Variants in ERICH6B observed in about 807,000 individuals in gnomAD.
ERICH6B encodes glutamate-rich protein 6B.
A neutral mutation model predicts 80.0 loss-of-function variants in ERICH6B; 69 were observed. The ratio of observed to expected loss-of-function variants is 0.86; its 90% CI spans 0.71 to 1.05. The LOEUF (loss-of-function observed/expected upper bound fraction) is 1.05, where lower values mean the gene tolerates loss of function less well. Ranked by LOEUF, ERICH6B falls within the 50% of genes least tolerant of loss-of-function variation. ERICH6B has a pLI of 0.00. For synonymous variants in ERICH6B, 283 were observed against 291.9 expected (o/e 0.97, Z 0.31); for missense variants, 754 against 796.1 (o/e 0.95, Z 0.64).
chr13:45,582,319 G>A (rs1875709314), intron 5 of ERICH6B, among the ~76,000 whole-genome samples: 1 of 152,206 alleles, frequency 6.6e-6, no homozygotes, highest in African/African-American at 2.4e-5. Flanking sequence ...GTATCTGGTT[G>A]TGTTAACTTT....
intron 13 of ERICH6B, among the ~76,000 whole-genome samples, chr13:45,547,869 C>CA (rs2137958448): frequency 6.6e-6 from 1 of 152,356 alleles, no homozygotes; most frequent in Admixed American, 6.5e-5. Flanking sequence ...GGCCACCCCC[C>CA]ACTCCCTAGT....
At chr13:45,582,274 G>A (rs1051384528) in intron 5 of ERICH6B, among the ~76,000 whole-genome samples, 4 of 152,226 alleles carry the variant, frequency 2.6e-5, no homozygotes, top group Non-Finnish European at 5.9e-5. Context: ...GCAGGGCACA[G>A]CAGGATGAAA....
intron 11 of ERICH6B, among the ~76,000 whole-genome samples, chr13:45,556,237 C>T (rs1874431645): frequency 1.3e-5 from 2 of 152,062 alleles, no homozygotes; most frequent in African/African-American, 2.4e-5. Flanking sequence ...AAGGCTGTGT[C>T]TCATTTGCCT....
chr13:45,550,108 GCAGATGATGCAGGCCT>G, intron 12 of ERICH6B, 63 bp from the exon 13 acceptor site: 1 of 1,540,392 alleles, frequency 6.5e-7, no homozygotes, highest in Non-Finnish European at 8.8e-7. Context: ...GTAGGGCCCT[GCAGATGATGCAGGCCT>G]CAGTCAAACC....
chr13:45,562,246 C>T (rs1874715822), intron 10 of ERICH6B, among the ~76,000 whole-genome samples: 1 of 152,100 alleles, frequency 6.6e-6, no homozygotes, highest in Admixed American at 6.6e-5. Context: ...CCATGTTGGC[C>T]AGGCTTGTCT....
chr13:45,561,890 A>G (rs1874697582), intron 10 of ERICH6B, among the ~76,000 whole-genome samples: 1 of 152,200 alleles, frequency 6.6e-6, no homozygotes, highest in Non-Finnish European at 1.5e-5. Flanking sequence ...AATGAGAGGA[A>G]TGCTCACACA....
intron 7 of ERICH6B, among the ~76,000 whole-genome samples, chr13:45,575,659 A>G (rs1875369137): frequency 6.6e-6 from 1 of 152,226 alleles, no homozygotes; most frequent in Admixed American, 6.5e-5. Flanking sequence ...TAATCAGAGC[A>G]TAAGAGATGA....
rs760525602 is a variant in ERICH6B at position 45,596,518 on chromosome 13, T to A, written c.488A>T (p.Tyr163Phe). The change falls in exon 3 of 15, where the codon TAT becomes TTT. Residue 163 changes from tyrosine to phenylalanine, a missense_variant. Coordinates refer to ENST00000298738, the MANE Select transcript of ERICH6B (RefSeq NM_182542.3). ...CCCCAGATACTCCTCCTCCTCCAGATACGCTTTCTTCCCCAGATAATCTAC... is the reference window on the plus strand; with the variant it reads ...CCCCAGATACTCCTCCTCCTCCAGAAACGCTTTCTTCCCCAGATAATCTAC... ...EEVDYLGKKA[Y>F]LEEEEYLGKK... 2.5e-5 allele frequency: 39 copies of A among 1,552,016 alleles called. No homozygotes were observed. The highest frequency in any genetic ancestry group is 2.8e-5 in the Non-Finnish European group (32 of 1,146,978).
chr13:45,591,488 C>G (rs372142773), intron 3 of ERICH6B, among the ~76,000 whole-genome samples: 2 of 151,966 alleles, frequency 1.3e-5, no homozygotes, highest in African/African-American at 4.8e-5. Context: ...CCCAGCTACT[C>G]GGGAGGCTGA....
chr13:45,580,772 C>T (rs1875623104), intron 5 of ERICH6B, 107 bp from the exon 6 acceptor site: 1 of 1,143,682 alleles, frequency 8.7e-7, no homozygotes, highest in Admixed American at 2.1e-5. Flanking sequence ...GCACCCAAGG[C>T]TGGTCAACAG....
chr13:45,605,159 GT>G (rs1949850530), intron 2 of ERICH6B, among the ~76,000 whole-genome samples: 2 of 152,020 alleles, frequency 1.3e-5, no homozygotes, highest in Non-Finnish European at 2.9e-5. Flanking sequence ...CCCACTCAAG[GT>G]GTCCTCCCAT....
chr13:45,605,392 T>G (rs1949851888), intron 2 of ERICH6B, among the ~76,000 whole-genome samples: 2 of 152,248 alleles, frequency 1.3e-5, no homozygotes, highest in Admixed American at 1.3e-4. Context: ...TTCTTCTCTA[T>G]GCTTTAGCTG....
intron 11 of ERICH6B, among the ~76,000 whole-genome samples, chr13:45,551,256 T>G (rs577030106): frequency 9.2e-5 from 14 of 152,352 alleles, no homozygotes; most frequent in African/African-American, 2.9e-4. Flanking sequence ...TTTTGGTTTG[T>G]TTATTCCATT....
chr13:45,564,183 A>G (rs2137979658), intron 9 of ERICH6B, among the ~76,000 whole-genome samples: 1 of 152,284 alleles, frequency 6.6e-6, no homozygotes, highest in Middle Eastern at 3.4e-3. Context: ...ACCCAGAACC[A>G]CCTGAAACCC....
intron 9 of ERICH6B, among the ~76,000 whole-genome samples, chr13:45,565,387 C>A (rs1238853000): frequency 6.6e-6 from 1 of 152,124 alleles, no homozygotes; most frequent in African/African-American, 2.4e-5. Context: ...ATACCTGGCT[C>A]TCCAGGTTTC....
intron 11 of ERICH6B, among the ~76,000 whole-genome samples, chr13:45,556,748 G>C (rs1042620839): frequency 2.0e-5 from 3 of 151,988 alleles, no homozygotes; most frequent in African/African-American, 4.8e-5. Flanking sequence ...TTTTATGGCT[G>C]AGTAGTATTC....
At chr13:45,572,020 G>C (rs1875193466) in intron 8 of ERICH6B, among the ~76,000 whole-genome samples, 1 of 152,212 alleles carries the variant, frequency 6.6e-6, no homozygotes, top group Non-Finnish European at 1.5e-5. Flanking sequence ...GTTAACAACA[G>C]GGCTTAGCAA....
At chr13:45,554,068 A>G (rs1874334991) in intron 11 of ERICH6B, among the ~76,000 whole-genome samples, 1 of 152,222 alleles carries the variant, frequency 6.6e-6, no homozygotes, top group Non-Finnish European at 1.5e-5. Flanking sequence ...ATGATGTACA[A>G]TAGACCTCTT....
At position 45,541,597 on chromosome 13, in the gene ERICH6B, C is replaced by A. The variant is rs568829505; in HGVS notation, c.1956G>T (p.Arg652=). ...GCCTATTCATTTTCCCCAGAAGGACCCGGATCTTCTGGGCTGTTGGGCCGG... is the reference window on the plus strand; with the variant it reads ...GCCTATTCATTTTCCCCAGAAGGACACGGATCTTCTGGGCTGTTGGGCCGG... ...AEPGPTAQKI[R]VLLGKMNRLL... is the part of the protein sequence containing the mutation. Residue 652 remains arginine, a synonymous_variant, in exon 15 of 15, where the codon CGG becomes CGT. Coordinates refer to ENST00000298738, the MANE Select transcript of ERICH6B (RefSeq NM_182542.3). 32 of 1,551,732 alleles carry A rather than the reference C, an allele frequency of 2.1e-5. No homozygotes were observed. In the Middle Eastern group the frequency reaches 1.2e-3, roughly 57 times the overall value.
Sources: allele counts gnomAD v4.1 joint callset (sites outside exome capture counted in the v4.1 genomes callset), GRCh38; gene constraint gnomAD v4.1.1; transcripts MANE v1.5; gene names NCBI Gene and HGNC (gene_info 2026-07-23, HGNC 2026-07-21).